EPHA6: variants seen among roughly 807,000 people sequenced by gnomAD.
EPHA6 encodes EPH receptor A6, also known as ephrin type-A receptor 6.
Under a neutral mutation model 112.0 loss-of-function variants are expected in EPHA6, and 50 were observed. The observed-to-expected ratio is 0.45, with a 90% confidence interval of 0.36 to 0.56. The LOEUF (loss-of-function observed/expected upper bound fraction) is 0.56, where lower values mean the gene tolerates loss of function less well. Ranked by LOEUF, EPHA6 falls within the 20% of genes least tolerant of loss-of-function variation. The pLI is 0.00. For missense variants in EPHA6, 1,280 were observed against 1,417.4 expected (o/e 0.90, Z 1.56); for synonymous variants, 529 against 490.7 (o/e 1.08, Z -1.03).
chr3:97,031,238 G>A (rs2108016401), intron 3 of EPHA6, among the ~76,000 whole-genome samples: 1 of 152,192 alleles, frequency 6.6e-6, no homozygotes, highest in African/African-American at 2.4e-5. Context: ...AAACTGGCTA[G>A]CCATAGGTAG....
chr3:97,617,330 A>G (rs2093775240), intron 13 of EPHA6, among the ~76,000 whole-genome samples: 1 of 152,168 alleles, frequency 6.6e-6, no homozygotes, highest in Non-Finnish European at 1.5e-5. Flanking sequence ...AACACAATGA[A>G]GTACACAGAA....
chr3:97,333,646 T>C (rs975253278), intron 5 of EPHA6, among the ~76,000 whole-genome samples: 6 of 151,724 alleles, frequency 4.0e-5, no homozygotes, highest in Admixed American at 2.6e-4. Flanking sequence ...CTGAATATTT[T>C]TAATATTTTC....
At chr3:97,178,748 C>A (rs1409313919) in intron 3 of EPHA6, among the ~76,000 whole-genome samples, 1 of 151,978 alleles carries the variant, frequency 6.6e-6, no homozygotes, top group Non-Finnish European at 1.5e-5. Flanking sequence ...TTATTCGTTT[C>A]TTTTCTCTTG....
At chr3:97,559,815 G>A (rs960850435) in intron 11 of EPHA6, among the ~76,000 whole-genome samples, 22 of 151,918 alleles carry the variant, frequency 1.4e-4, no homozygotes, top group Non-Finnish European at 3.2e-4. Flanking sequence ...ATCTCATTAA[G>A]GGATGCAGCT....
intron 2 of EPHA6, among the ~76,000 whole-genome samples, chr3:96,971,574 T>C (rs890589283): frequency 7.0e-6 from 1 of 142,368 alleles, no homozygotes; most frequent in Admixed American, 6.7e-5. Flanking sequence ...TATGTCAGTA[T>C]ATTGATACAA....
At chr3:97,424,673 G>C (rs1021448229) in intron 6 of EPHA6, among the ~76,000 whole-genome samples, 2 of 151,930 alleles carry the variant, frequency 1.3e-5, no homozygotes, top group African/African-American at 4.8e-5. Flanking sequence ...AGGCATTGTG[G>C]TGGGCACCTG....
At chr3:96,836,244 A>T (rs779666730) in intron 1 of EPHA6, among the ~76,000 whole-genome samples, 12 of 152,144 alleles carry the variant, frequency 7.9e-5, no homozygotes, top group Non-Finnish European at 8.8e-5. Context: ...TTTAACCTGA[A>T]GTTTGCTAAT....
intron 3 of EPHA6, among the ~76,000 whole-genome samples, chr3:97,164,719 T>C (rs1415940152): frequency 1.3e-5 from 2 of 152,088 alleles, no homozygotes; most frequent in Admixed American, 6.6e-5. Context: ...TGGGAGACAG[T>C]CTTTTTTTCA....
At chr3:96,903,290 T>C (rs1300570626) in intron 2 of EPHA6, among the ~76,000 whole-genome samples, 4 of 152,140 alleles carry the variant, frequency 2.6e-5, no homozygotes, top group Admixed American at 1.3e-4. Flanking sequence ...AGGCAAGAGT[T>C]GTAGGAGTTG....
chr3:97,337,732 C>T (rs1306937602), intron 5 of EPHA6, among the ~76,000 whole-genome samples: 2 of 152,060 alleles, frequency 1.3e-5, no homozygotes, highest in Non-Finnish European at 2.9e-5. Flanking sequence ...AAAGCTGTAT[C>T]CTCTAATAGG....
At chr3:97,157,314 A>G (rs925427784) in intron 3 of EPHA6, among the ~76,000 whole-genome samples, 14 of 152,090 alleles carry the variant, frequency 9.2e-5, no homozygotes, top group Admixed American at 3.3e-4. Context: ...GCTTCCAGAT[A>G]TTATCTGTTT....
intron 15 of EPHA6, among the ~76,000 whole-genome samples, chr3:97,721,439 C>A (rs1576351479): frequency 1.3e-5 from 2 of 152,176 alleles, no homozygotes; most frequent in Non-Finnish European, 2.9e-5. Flanking sequence ...GCTAGTGTTT[C>A]TCCCTGCCAT....
intron 14 of EPHA6, among the ~76,000 whole-genome samples, chr3:97,676,095 G>C (rs1185561641): frequency 1.3e-5 from 2 of 151,772 alleles, no homozygotes; most frequent in East Asian, 1.9e-4. Context: ...GAGCAGAAAG[G>C]CTGGAGTTCA....
intron 2 of EPHA6, among the ~76,000 whole-genome samples, chr3:96,889,679 A>G (rs749332703): frequency 1.3e-5 from 2 of 152,222 alleles, no homozygotes; most frequent in African/African-American, 2.4e-5. Context: ...GAGGCAAACA[A>G]TATCAGTCAC....
chr3:97,458,734 T>A (rs2090781800), intron 7 of EPHA6, among the ~76,000 whole-genome samples: 3 of 152,040 alleles, frequency 2.0e-5, no homozygotes, highest in Non-Finnish European at 4.4e-5. Context: ...AAATTTAACA[T>A]GAAGGAGAAA....
intron 5 of EPHA6, among the ~76,000 whole-genome samples, chr3:97,250,181 T>C (rs1199321156): frequency 6.6e-6 from 1 of 152,208 alleles, no homozygotes; most frequent in Non-Finnish European, 1.5e-5. Context: ...CAAGAAAGTA[T>C]TAATGGCATA....
chr3:96,973,751 G>A (rs113423462), intron 2 of EPHA6, among the ~76,000 whole-genome samples: 21 of 149,878 alleles, frequency 1.4e-4, no homozygotes, highest in African/African-American at 4.2e-4. Flanking sequence ...GCCTGAACCC[G>A]GGCGTGGGGG....
chr3:97,604,670 T>C (rs778994760), intron 12 of EPHA6, among the ~76,000 whole-genome samples: 4 of 151,638 alleles, frequency 2.6e-5, no homozygotes, highest in Non-Finnish European at 4.4e-5. Flanking sequence ...TAGAACATGA[T>C]ATTATTCTCA....
intron 4 of EPHA6, among the ~76,000 whole-genome samples, chr3:97,234,339 T>C (rs1474808699): frequency 6.6e-6 from 1 of 152,138 alleles, no homozygotes; most frequent in Non-Finnish European, 1.5e-5. Context: ...CCCAGTCCAA[T>C]TTTTCTCTTC....
Sources: allele counts gnomAD v4.1 joint callset (sites outside exome capture counted in the v4.1 genomes callset), GRCh38; gene constraint gnomAD v4.1.1; transcripts MANE v1.5; gene names NCBI Gene and HGNC (gene_info 2026-07-23, HGNC 2026-07-21).